Variants in DENND2A observed in about 807,000 individuals in gnomAD.
The protein encoded by DENND2A is DENN domain containing 2A, also known as DENN domain-containing protein 2A.
Under a neutral mutation model 105.3 loss-of-function variants are expected in DENND2A, and 53 were observed. The observed-to-expected ratio is 0.50, with a 90% confidence interval of 0.40 to 0.63. DENND2A has a LOEUF of 0.63. Among genes scored for constraint, DENND2A ranks in the 30% least tolerant of loss-of-function variants. The pLI is 0.00. For synonymous variants in DENND2A, 522 were observed against 508.4 expected (o/e 1.03, Z -0.36); for missense variants, 1,138 against 1,279.6 (o/e 0.89, Z 1.69).
chr7:140,546,735 C>T (rs1396300985), intron 13 of DENND2A, 64 bp downstream of exon 13: 2 of 1,590,772 alleles, frequency 1.3e-6, no homozygotes, highest in Non-Finnish European at 1.7e-6. Flanking sequence ...CCCCTCTGAG[C>T]ACGGAGACTC....
At chr7:140,587,587 C>A in intron 4 of DENND2A, 66 bp downstream of exon 4, 1 of 1,602,440 alleles carries the variant, frequency 6.2e-7, no homozygotes. Flanking sequence ...CAGCAGCCAG[C>A]CCCATTCTCC....
chr7:140,553,462 CTT>C (rs1797223808), intron 12 of DENND2A, among the ~76,000 whole-genome samples: 4 of 152,120 alleles, frequency 2.6e-5, no homozygotes, highest in Admixed American at 2.0e-4. Context: ...ATGCATTCCT[CTT>C]GTCTCAACTG....
intron 4 of DENND2A, 152 bp downstream of exon 4, chr7:140,587,501 C>T: frequency 1.8e-6 from 2 of 1,099,614 alleles, no homozygotes; most frequent in Non-Finnish European, 2.6e-6. Flanking sequence ...TCCCACCCCA[C>T]CTGCCTGCTT....
chr7:140,562,447 G>A (rs925832622), intron 9 of DENND2A, among the ~76,000 whole-genome samples: 1 of 151,936 alleles, frequency 6.6e-6, no homozygotes, highest in African/African-American at 2.4e-5. Flanking sequence ...GGATCACGAG[G>A]TCTGGAGATC....
chr7:140,559,607 A>G lies in DENND2A; in HGVS notation c.1889+101T>C, dbSNP rs1322934452. 1.2e-6 allele frequency: 1 copy of G among 829,310 alleles called. No homozygotes were observed. Among genetic ancestry groups the G allele is most frequent in the Non-Finnish European group, 2.0e-6 (1 of 503,760 alleles). 51.4% of individuals were successfully genotyped at this position (829,310 alleles called of 1,614,324 possible). ...GCTCTAGGCCAGGCCCATCAGGATT[A>G]CTTAACGGTGGGAATGACTCATGTG... On this transcript the variant is annotated intron_variant, in intron 10 of 19. Coordinates refer to ENST00000496613, the MANE Select transcript of DENND2A (RefSeq NM_015689.5). This position sits in a 1 kb window ranked among gnomAD's most constrained non-coding sequence, Gnocchi z 4.1.
intron 14 of DENND2A, among the ~76,000 whole-genome samples, chr7:140,538,787 T>C (rs1336568939): frequency 1.3e-5 from 2 of 151,894 alleles, no homozygotes; most frequent in Non-Finnish European, 1.5e-5. Flanking sequence ...ATTACAGGGA[T>C]GAGCAATTGC....
chr7:140,633,612 G>T (rs193195611), intron 1 of DENND2A, among the ~76,000 whole-genome samples: 1 of 152,160 alleles, frequency 6.6e-6, no homozygotes, highest in Non-Finnish European at 1.5e-5. Context: ...GGGAGAGAGA[G>T]AGGCCCTTGA....
At chr7:140,571,640 C>T (rs1430381437) in intron 6 of DENND2A, among the ~76,000 whole-genome samples, 3 of 152,008 alleles carry the variant, frequency 2.0e-5, no homozygotes, top group African/African-American at 7.3e-5. Context: ...AACTTTCTAA[C>T]AGCCAAGTGT....
At chr7:140,535,036 T>C (rs1039927751) in intron 14 of DENND2A, among the ~76,000 whole-genome samples, 1 of 152,106 alleles carries the variant, frequency 6.6e-6, no homozygotes, top group African/African-American at 2.4e-5. Context: ...GGAGCCAACT[T>C]TTTAGTTCTG....
intron 1 of DENND2A, among the ~76,000 whole-genome samples, chr7:140,606,050 G>T (rs114685763): frequency 0.014 from 2,122 of 151,918 alleles, 36 homozygotes; most frequent in African/African-American, 0.047. Flanking sequence ...TTGTTCATTT[G>T]TTTTTTTTGA....
At chr7:140,550,389 CT>C (rs1797080607) in intron 12 of DENND2A, among the ~76,000 whole-genome samples, 1 of 152,090 alleles carries the variant, frequency 6.6e-6, no homozygotes, top group African/African-American at 2.4e-5. Context: ...CTGAGTTTCG[CT>C]GTTGTTGCCC....
rs570235967 is a variant in DENND2A at position 140,559,163 on chromosome 7, G to C, written c.1889+545C>G. ...CTGTGCCCCTCTTGGAATTGCCCTGGGGCAGCTCTCTCAGGGCATGGTCTG... is the reference window on the plus strand; with the variant it reads ...CTGTGCCCCTCTTGGAATTGCCCTGCGGCAGCTCTCTCAGGGCATGGTCTG... On this transcript the variant is annotated intron_variant, in intron 10 of 19. Coordinates refer to ENST00000496613, the MANE Select transcript of DENND2A (RefSeq NM_015689.5). This position sits in a 1 kb window ranked among gnomAD's most constrained non-coding sequence, Gnocchi z 4.1. Among the ~76,000 whole-genome samples, 1 of 152,262 alleles carries C rather than the reference G, an allele frequency of 6.6e-6. No individual in the cohort carries two copies. The highest frequency in any genetic ancestry group is 2.4e-5 in the African/African-American group (1 of 41,566).
intron 3 of DENND2A, among the ~76,000 whole-genome samples, chr7:140,594,470 C>A (rs748911081): frequency 6.6e-6 from 1 of 152,130 alleles, no homozygotes; most frequent in Non-Finnish European, 1.5e-5. Context: ...CTGGCCCGAG[C>A]GTCACTTCCT....
At chr7:140,595,003 C>T (rs1179460308) in intron 3 of DENND2A, among the ~76,000 whole-genome samples, 5 of 152,124 alleles carry the variant, frequency 3.3e-5, no homozygotes, top group Admixed American at 2.6e-4. Flanking sequence ...CGTGAGCCAC[C>T]TTGCTGGACC....
At position 140,601,974 on chromosome 7, in the gene DENND2A, C is replaced by T. The variant is rs1799525879; in HGVS notation, c.424G>A (p.Gly142Ser). The change falls in exon 3 of 20, where the codon GGC (glycine) becomes AGC (serine). Residue 142 changes from glycine to serine, a missense_variant. Physicochemically the swap from Gly to Ser is moderately conservative, Grantham distance 56. This residue lies in a region of DENND2A where 511 missense variants were observed against 499.9 expected (regional missense o/e 1.02). Coordinates refer to ENST00000496613, the MANE Select transcript of DENND2A (RefSeq NM_015689.5). ...AGCTTGCCAAGTCTTGGCTCTCGGCCTCGGCCCCAGCTAGGATCCACTTCC... is the reference window on the plus strand; with the variant it reads ...AGCTTGCCAAGTCTTGGCTCTCGGCTTCGGCCCCAGCTAGGATCCACTTCC... ...EREVDPSWGR[G>S]REPRLGKLRF... The T allele has an allele frequency of 1.2e-6, 2 of 1,614,124 alleles. No individual in the cohort carries two copies. Among genetic ancestry groups the T allele is most frequent in the African/African-American group, 1.3e-5 (1 of 74,958 alleles).
intron 12 of DENND2A, among the ~76,000 whole-genome samples, chr7:140,547,790 A>C (rs1207058593): frequency 1.3e-5 from 2 of 152,330 alleles, no homozygotes; most frequent in African/African-American, 4.8e-5. Context: ...CATATAATGG[A>C]ATATTATTTG....
intron 12 of DENND2A, among the ~76,000 whole-genome samples, chr7:140,554,194 C>T (rs891702419): frequency 1.3e-5 from 2 of 151,756 alleles, no homozygotes; most frequent in African/African-American, 4.8e-5. Context: ...CCCTTGCACT[C>T]CAGCCTGGCG....
chr7:140,577,809 C>T (rs1238160855), intron 5 of DENND2A, among the ~76,000 whole-genome samples: 1 of 152,148 alleles, frequency 6.6e-6, no homozygotes, highest in Non-Finnish European at 1.5e-5. Context: ...GTAGATAATA[C>T]GTAAATGAAT....
rs190084488 is a variant in DENND2A, at chr7:140,559,484, A to C, written c.1889+224T>G. On this transcript the variant is annotated intron_variant, in intron 10 of 19. Coordinates refer to ENST00000496613, the MANE Select transcript of DENND2A (RefSeq NM_015689.5). The surrounding 1 kb of genome is among the most constrained non-coding windows in gnomAD (Gnocchi z 4.1). ...GAATTATCTTCCGGGAGGCTTCTGA[A>C]ACAAGTATCCCCAGATTGAGTGGGA... Among the ~76,000 whole-genome samples the C allele has an allele frequency of 6.6e-6, 1 of 152,276 alleles. No homozygotes were observed. The highest frequency in any genetic ancestry group is 2.4e-5 in the African/African-American group (1 of 41,556).
Sources: allele counts gnomAD v4.1 joint callset (sites outside exome capture counted in the v4.1 genomes callset), GRCh38; gene constraint gnomAD v4.1.1; regional missense constraint gnomAD v4.1.1; non-coding constraint Gnocchi (gnomAD v3.1); transcripts MANE v1.5; gene names NCBI Gene and HGNC (gene_info 2026-07-23, HGNC 2026-07-21).